TYW1B: variants seen among roughly 807,000 people sequenced by gnomAD.
TYW1B encodes the protein tRNA-yW synthesizing protein 1 homolog B.
In TYW1B, 73 loss-of-function variants were observed where a neutral mutation model predicts 86.9. That is an observed-to-expected ratio of 0.84 (90% CI 0.70 to 1.02). The LOEUF is 1.02. Among genes scored for constraint, TYW1B ranks in the 50% least tolerant of loss-of-function variants. The pLI is 0.00. For missense variants in TYW1B, 637 were observed against 827.4 expected, an observed-to-expected ratio of 0.77 and a Z score of 2.82; for synonymous variants, 248 against 292.8, an observed-to-expected ratio of 0.85 and a Z score of 1.56.
At chr7:72,740,448 C>G (rs1460622120) in intron 8 of TYW1B, among the ~76,000 whole-genome samples, 2 of 140,904 alleles carry the variant, frequency 1.4e-5, no homozygotes, top group East Asian at 4.1e-4. Flanking sequence ...CAGAGTCAAT[C>G]TGCAAAGACT....
At chr7:72,615,403 G>A (rs1176957121) in intron 13 of TYW1B, among the ~76,000 whole-genome samples, 2 of 152,270 alleles carry the variant, frequency 1.3e-5, no homozygotes, top group Non-Finnish European at 2.9e-5. Context: ...TTTCTTCACC[G>A]TTCAGACCTC....
At chr7:72,706,579 G>A (rs1814621840) in intron 10 of TYW1B, among the ~76,000 whole-genome samples, 1 of 152,110 alleles carries the variant, frequency 6.6e-6, no homozygotes, top group African/African-American at 2.4e-5. Flanking sequence ...GGACTATGTG[G>A]CCTCTCAGTC....
chr7:72,815,693 G>A (rs115753233), intron 2 of TYW1B, among the ~76,000 whole-genome samples: 2,616 of 152,084 alleles, frequency 0.017, 49 homozygotes, highest in African/African-American at 0.046. Context: ...CAGGGTTTAC[G>A]TAGGACTGAA....
At chr7:72,770,739 A>G (rs1373168988) in intron 7 of TYW1B, among the ~76,000 whole-genome samples, 1 of 152,172 alleles carries the variant, frequency 6.6e-6, no homozygotes, top group Non-Finnish European at 1.5e-5. Flanking sequence ...ACTTTTTTTC[A>G]TAATAGCCAA....
intron 6 of TYW1B, 32 bp from the exon 7 acceptor site, chr7:72,777,565 T>C (rs1554470808): frequency 3.1e-6 from 5 of 1,612,476 alleles, no homozygotes; most frequent in East Asian, 2.2e-5. Context: ...AAATCCAGAA[T>C]TGGCAATGTG....
Position 72,807,068 on chromosome 7 carries a change from T to C in TYW1B, c.721A>G (p.Lys241Glu), listed in dbSNP as rs1554476838. Residue 241 changes from lysine to glutamate, a missense_variant and splice_region_variant, in exon 5 of 14, where the codon AAG (lysine) becomes GAG (glutamate). By Grantham distance (56) the Lys-to-Glu change is moderately conservative. Transcript: ENST00000620995. ...EQDELHHRDT[K>E]EEEPFESSSE... ...AGATGAACACACAGGCGGTATACCTTGGTGTCTCTGTGATGCAATTCGTCC... is the reference window on the plus strand; with the variant it reads ...AGATGAACACACAGGCGGTATACCTCGGTGTCTCTGTGATGCAATTCGTCC... The C allele has an allele frequency of 6.2e-7, 1 of 1,613,362 alleles. No individual in the cohort carries two copies. Among genetic ancestry groups the C allele is most frequent in the South Asian group, 1.1e-5 (1 of 90,998 alleles).
At chr7:72,611,885 C>T (rs1360811866) in intron 13 of TYW1B, among the ~76,000 whole-genome samples, 1 of 152,208 alleles carries the variant, frequency 6.6e-6, no homozygotes, top group Non-Finnish European at 1.5e-5. Context: ...CACTAAACCA[C>T]GAGCTCCTTG....
chr7:72,772,918 C>G (rs1388270208), intron 7 of TYW1B, among the ~76,000 whole-genome samples: 1 of 152,168 alleles, frequency 6.6e-6, no homozygotes, highest in African/African-American at 2.4e-5. Context: ...GTCTTGTAAC[C>G]TCTTCTGTAT....
At chr7:72,669,133 A>C (rs1405768086) in intron 11 of TYW1B, among the ~76,000 whole-genome samples, 1 of 100,632 alleles carries the variant, frequency 9.9e-6, no homozygotes, top group Non-Finnish European at 2.2e-5. Context: ...TTAATTTTAA[A>C]CTTTTTTTTT....
chr7:72,817,724 G>A (rs1376616992), intron 2 of TYW1B, among the ~76,000 whole-genome samples: 2 of 152,132 alleles, frequency 1.3e-5, no homozygotes, highest in African/African-American at 4.8e-5. Context: ...AGAGGAGGCA[G>A]GCTTGAGCAA....
At chr7:72,602,412 A>G (rs1190622555) in intron 13 of TYW1B, among the ~76,000 whole-genome samples, 1 of 152,194 alleles carries the variant, frequency 6.6e-6, no homozygotes, top group African/African-American at 2.4e-5. Flanking sequence ...CGGTGTGTTC[A>G]CTTGAATATA....
chr7:72,721,340 T>C (rs568416406), intron 9 of TYW1B, among the ~76,000 whole-genome samples: 3 of 152,324 alleles, frequency 2.0e-5, no homozygotes, highest in Admixed American at 2.0e-4. Context: ...CCACAATGGT[T>C]GAACTAGTTT....
At chr7:72,734,181 C>A (rs1787160977) in intron 8 of TYW1B, among the ~76,000 whole-genome samples, 1 of 144,506 alleles carries the variant, frequency 6.9e-6, no homozygotes, top group Non-Finnish European at 1.5e-5. Flanking sequence ...TCCCTTGAAC[C>A]AGGCAGGTGG....
intron 13 of TYW1B, among the ~76,000 whole-genome samples, chr7:72,614,310 C>A (rs1668795759): frequency 1.3e-5 from 2 of 152,096 alleles, no homozygotes; most frequent in South Asian, 2.1e-4. Flanking sequence ...AGTTACTGAA[C>A]CCCTTGATGT....
intron 7 of TYW1B, among the ~76,000 whole-genome samples, chr7:72,756,408 T>C (rs1787590143): frequency 6.6e-6 from 1 of 151,870 alleles, no homozygotes; most frequent in African/African-American, 2.4e-5. Context: ...TTAATTTTTT[T>C]TTTTTTAGTA....
In TYW1B at chr7:72,738,226, G is replaced by A. The variant is rs1431605021; in HGVS notation, c.1082+6258C>T. Among the ~76,000 whole-genome samples, 140 of 151,480 alleles carry A rather than the reference G, an allele frequency of 9.2e-4. 1 individual carries two copies. The East Asian group carries it at 0.015, about 16-fold the overall frequency. On this transcript the variant is annotated intron_variant, in intron 8 of 13. Transcript: ENST00000620995. Reference sequence around the variant, plus strand: ...CTCCCAAGTAGCTGGGATTACAGGCGCCTGCCACTAAGCCCAGCTAATTTT... The same window carrying A: ...CTCCCAAGTAGCTGGGATTACAGGCACCTGCCACTAAGCCCAGCTAATTTT...
rs1438430509 is a variant in TYW1B at position 72,804,201 on chromosome 7, C to T, written c.724-1679G>A. On this transcript the variant is annotated intron_variant, in intron 5 of 13. Transcript: ENST00000620995. Reference sequence around the variant, plus strand: ...TCCAAAGGCTGAGACAGGAGAATTGCTTGAACCCAGGAGGTGGAGGTTGCA... The same window carrying T: ...TCCAAAGGCTGAGACAGGAGAATTGTTTGAACCCAGGAGGTGGAGGTTGCA... Among the ~76,000 whole-genome samples the T allele has an allele frequency of 5.3e-5, 8 of 150,962 alleles. No individual in the cohort carries two copies. The Admixed American group carries it at 5.3e-4, about 10-fold the overall frequency.
intron 11 of TYW1B, among the ~76,000 whole-genome samples, chr7:72,686,586 C>G (rs1274120003): frequency 6.6e-6 from 1 of 152,108 alleles, no homozygotes; most frequent in African/African-American, 2.4e-5. Flanking sequence ...ACAGGAGATT[C>G]TTAGGGCAGT....
At chr7:72,605,855 GAAATAATCTACCAATATC>G (rs1554434756) in intron 13 of TYW1B, among the ~76,000 whole-genome samples, 2 of 152,070 alleles carry the variant, frequency 1.3e-5, no homozygotes, top group Non-Finnish European at 2.9e-5. Context: ...AGTTCACCTG[GAAATAATCTACCAATATC>G]AAATAGTCCC....
Sources: gnomAD v4.1 joint callset for allele counts (sites outside exome capture counted in the v4.1 genomes callset) on GRCh38, gnomAD v4.1.1 for gene constraint, MANE v1.5 for transcripts, NCBI Gene and HGNC (gene_info 2026-07-23, HGNC 2026-07-21) for gene names.